Variants in ZSCAN10 observed in about 807,000 individuals in gnomAD.
ZSCAN10 encodes zinc finger and SCAN domain-containing protein 10.
Under a neutral mutation model 63.7 loss-of-function variants are expected in ZSCAN10, and 52 were observed. The observed-to-expected ratio is 0.82, with a 90% confidence interval of 0.65 to 1.03. The LOEUF is 1.03. Ranked by LOEUF, ZSCAN10 falls within the 50% of genes least tolerant of loss-of-function variation. ZSCAN10 has a pLI of 0.00. For synonymous variants in ZSCAN10, 544 were observed against 479.6 expected, an observed-to-expected ratio of 1.13 and a Z score of -1.76; for missense variants, 1,223 against 1,103.8, an observed-to-expected ratio of 1.11 and a Z score of -1.53.
In ZSCAN10 at chr16:3,089,483, G is replaced by T. The variant is rs781661100; in HGVS notation, c.1951C>A (p.Arg651Ser). Residue 651 changes from arginine to serine, a missense_variant, in exon 6 of 6, where the codon CGC becomes AGC. Transcript: ENST00000576985. ...EGFSQSAHLARHQRIHTGEKP... is the reference protein window; with the variant it reads ...EGFSQSAHLASHQRIHTGEKP... ...TCCCCTGTGTGGATGCGCTGGTGGC[G>T]CGCCAGGTGGGCGCTCTGGCTGAAG... The T allele has an allele frequency of 1.2e-6, 2 of 1,602,510 alleles. No homozygotes were observed. Among genetic ancestry groups the T allele is most frequent in the Non-Finnish European group, 8.5e-7 (1 of 1,176,566 alleles).
intron 5 of ZSCAN10, among the ~76,000 whole-genome samples, chr16:3,091,207 G>A (rs1001675247): frequency 6.6e-6 from 1 of 152,242 alleles, no homozygotes; most frequent in Non-Finnish European, 1.5e-5. Flanking sequence ...AGCTACTCGG[G>A]AGGCTGAGGT....
chr16:3,093,423 T>C (rs1456627863), intron 1 of ZSCAN10: 1 of 149,260 alleles, frequency 6.7e-6, no homozygotes, highest in Non-Finnish European at 1.5e-5. Flanking sequence ...GGCTGAGGCA[T>C]GAGAATGGTG....
At position 3,090,487 on chromosome 16, in the gene ZSCAN10, C is replaced by A; in HGVS notation, c.947G>T (p.Gly316Val). The A allele has an allele frequency of 6.2e-7, 1 of 1,613,392 alleles. No individual in the cohort carries two copies. Among genetic ancestry groups the A allele is most frequent in the South Asian group, 1.1e-5 (1 of 91,068 alleles). ...AAGAAGGGACCCATCTTCACCAGGG[C>A]CGCTAGCCGCAGCGCCCCGTCCGAG... ...QSLGRGAAAS[G>V]PGEDGSLLGS... Residue 316 changes from glycine (G) to valine (V), a missense_variant, in exon 6 of 6, where the codon GGC becomes GTC. Transcript: ENST00000576985.
At chr16:3,096,422 A>C (rs2151218714) in intron 1 of ZSCAN10, 1 of 152,532 alleles carries the variant, frequency 6.6e-6, no homozygotes, top group Non-Finnish European at 1.5e-5. Context: ...GATGTGAAGA[A>C]AGCCTGAAGC....
In ZSCAN10 at chr16:3,091,838, T is replaced by C. The variant is rs757135007; in HGVS notation, c.665-10A>G. On this transcript the variant is annotated splice_polypyrimidine_tract_variant and intron_variant, in intron 3 of 5. Transcript: ENST00000576985. ...GAGGGGCCCTGGGGACCTGACGGCA[T>C]TGGGGAAGAGGGGAGGAAGTGCTGT... 3 of 1,574,354 alleles carry C rather than the reference T, an allele frequency of 1.9e-6. No individual in the cohort carries two copies. Among genetic ancestry groups the C allele is most frequent in the South Asian group, 1.2e-5 (1 of 86,466 alleles).
Position 3,090,643 on chromosome 16 carries a change from A to G in ZSCAN10, c.791T>C (p.Phe264Ser). ...CTCCTTGTCTGGGGTTCTGCTTCCG[A>G]ATCCTGGGAAACAAGACAAAACAGG... ...NKAWPAHPLG[F>S]GSRTPDKEEF... Residue 264 changes from phenylalanine to serine, a missense_variant, in exon 6 of 6, where the codon TTC (phenylalanine) becomes TCC (serine). Physicochemically the swap from Phe to Ser is radical, Grantham distance 155. Coordinates refer to ENST00000576985, the MANE Select transcript of ZSCAN10 (RefSeq NM_032805.3). 1 of 1,531,262 alleles carries G rather than the reference A, an allele frequency of 6.5e-7. No homozygotes were observed. Among genetic ancestry groups the G allele is most frequent in the Admixed American group, 2.1e-5 (1 of 47,496 alleles). 94.9% of individuals were successfully genotyped at this position (1,531,262 alleles called of 1,614,324 possible).
chr16:3,090,617 C>A lies in ZSCAN10; in HGVS notation c.817G>T (p.Glu273Ter). The change falls in exon 6 of 6, where the codon GAA becomes TAA. Residue 273 changes from glutamate to a stop codon, truncating the protein, a stop_gained. Coordinates refer to ENST00000576985, the MANE Select transcript of ZSCAN10 (RefSeq NM_032805.3). LOFTEE classifies it high-confidence loss of function. Reference protein sequence around the residue: ...GFGSRTPDKEEFKQEEPKGAA... With the variant: ...GFGSRTPDKE Reference sequence around the variant, plus strand: ...CCTTTGGGCTCTTCTTGTTTAAATTCCTCCTTGTCTGGGGTTCTGCTTCCG... The same window carrying A: ...CCTTTGGGCTCTTCTTGTTTAAATTACTCCTTGTCTGGGGTTCTGCTTCCG... 6.4e-7 allele frequency: 1 copy of A among 1,552,198 alleles called. No homozygotes were observed. Among genetic ancestry groups the A allele is most frequent in the Admixed American group, 2.0e-5 (1 of 49,172 alleles).
In ZSCAN10 at chr16:3,090,012, G is replaced by A. The variant is rs767165859; in HGVS notation, c.1422C>T (p.Thr474=). The A allele has an allele frequency of 2.0e-5, 31 of 1,571,928 alleles. No homozygotes were observed. Among genetic ancestry groups the A allele is most frequent in the Admixed American group, 7.5e-5 (4 of 53,396 alleles). ...GGCCGCAGTGGGAGCACAGGACATC[G>A]GTCAGTGGCGGCGCTTCGGCCTTAC... is the stretch of plus-strand genomic sequence containing the variant. ...PESKAEAPPL[T]DVLCSHCGQS... The change falls in exon 6 of 6, where the codon ACC becomes ACT. Residue 474 remains threonine (T), a synonymous_variant. Transcript: ENST00000576985.
At chr16:3,092,024 G>T in intron 3 of ZSCAN10, 25 bp downstream of exon 3, 1 of 1,548,464 alleles carries the variant, frequency 6.5e-7, no homozygotes, top group East Asian at 2.3e-5. Context: ...CCAGTCCTTG[G>T]CCTCCTAGGG....
chr16:3,090,300 G>A lies in ZSCAN10; in HGVS notation c.1134C>T (p.Cys378=). The A allele has an allele frequency of 1.2e-6, 2 of 1,609,852 alleles. No individual in the cohort carries two copies. The highest frequency in any genetic ancestry group is 2.2e-5 in the East Asian group (1 of 44,840). ...GGCCGAAGCTCTTCCCGCAGCAAAG[G>A]CACAGGAAGGAGCGCCCAGCCGGGT... is the stretch of plus-strand genomic sequence containing the variant. ...RSHPAGRSFL[C]LCCGKSFGRS... is the part of the protein sequence containing the mutation. The change falls in exon 6 of 6, where the codon TGC becomes TGT. Residue 378 remains cysteine (C), a synonymous_variant. Coordinates refer to ENST00000576985, the MANE Select transcript of ZSCAN10 (RefSeq NM_032805.3).
chr16:3,089,927 C>G lies in ZSCAN10; in HGVS notation c.1507G>C (p.Asp503His). The G allele has an allele frequency of 6.5e-7, 1 of 1,537,796 alleles. No individual in the cohort carries two copies. The highest frequency in any genetic ancestry group is 1.2e-5 in the South Asian group (1 of 84,346). ...CCGGAGCCTTCGGAGGACCGGCGGT[C>G]CTTGTCCCTGGCGTGGATCCGCAGG... ...RHLRIHARDK[D>H]RRSSEGSGSR... The change falls in exon 6 of 6, where the codon GAC becomes CAC. Residue 503 changes from aspartate to histidine, a missense_variant. By Grantham distance (81) the Asp-to-His change is moderately conservative. Coordinates refer to ENST00000576985, the MANE Select transcript of ZSCAN10 (RefSeq NM_032805.3).
At position 3,089,566 on chromosome 16, in the gene ZSCAN10, C is replaced by T. The variant is rs1035753913; in HGVS notation, c.1868G>A (p.Arg623His). The change falls in exon 6 of 6, where the codon CGC becomes CAC. Residue 623 changes from arginine (R) to histidine (H), a missense_variant. By Grantham distance (29) the Arg-to-His change is conservative. Coordinates refer to ENST00000576985, the MANE Select transcript of ZSCAN10 (RefSeq NM_032805.3). ...KSFGQTQDLA[R>H]HQRSHTGEKP... Reference sequence around the variant, plus strand: ...CTCGCCCGTGTGGCTGCGCTGGTGGCGGGCCAGATCCTGGGTCTGGCCGAA... The same window carrying T: ...CTCGCCCGTGTGGCTGCGCTGGTGGTGGGCCAGATCCTGGGTCTGGCCGAA... 3.8e-6 allele frequency: 6 copies of T among 1,592,910 alleles called. No homozygotes were observed. The highest frequency in any genetic ancestry group is 2.3e-5 in the East Asian group (1 of 44,082).
intron 1 of ZSCAN10, among the ~76,000 whole-genome samples, chr16:3,094,518 T>C (rs1460419788): frequency 6.6e-6 from 1 of 152,158 alleles, no homozygotes; most frequent in African/African-American, 2.4e-5. Context: ...GCTAATTTTG[T>C]ATTTTTAGTA....
intron 1 of ZSCAN10, among the ~76,000 whole-genome samples, chr16:3,094,720 A>T (rs1341922203): frequency 1.3e-5 from 2 of 152,048 alleles, no homozygotes; most frequent in Non-Finnish European, 2.9e-5. Context: ...ACCATCTCTC[A>T]AAGAAATTGG....
At position 3,089,878 on chromosome 16, in the gene ZSCAN10, C is replaced by T. The variant is rs565330138; in HGVS notation, c.1556G>A (p.Arg519Gln). ...GCAGTCGCTGCACACGAAGGGCCTC[C>T]GGTCGGAGTCCCGGCGGCGGCTGCC... is the stretch of plus-strand genomic sequence containing the variant. ...GSGSRRRDSD[R>Q]RPFVCSDCGK... The change falls in exon 6 of 6, where the codon CGG becomes CAG. Residue 519 changes from arginine to glutamine, a missense_variant. Physicochemically the swap from Arg to Gln is conservative, Grantham distance 43 (BLOSUM62 1). Coordinates refer to ENST00000576985, the MANE Select transcript of ZSCAN10 (RefSeq NM_032805.3). The T allele has an allele frequency of 2.2e-4, 337 of 1,536,716 alleles. No individual in the cohort carries two copies. The highest frequency in any genetic ancestry group is 2.7e-4 in the Non-Finnish European group (308 of 1,146,362).
chr16:3,091,216 G>T (rs1193503313), intron 5 of ZSCAN10, among the ~76,000 whole-genome samples: 1 of 152,250 alleles, frequency 6.6e-6, no homozygotes, highest in Non-Finnish European at 1.5e-5. Flanking sequence ...GGAGGCTGAG[G>T]TGGGAGGATT....
At position 3,092,324 on chromosome 16, in the gene ZSCAN10, A is replaced by T. The variant is rs766370172; in HGVS notation, c.397-8T>A. On this transcript the variant is annotated splice_polypyrimidine_tract_variant and splice_region_variant and intron_variant, in intron 2 of 5. Transcript: ENST00000576985. ...AGCATTACAACTAAAATCCTGTTCAAAACACATTCAAGTTAAGTGACTCCC... is the reference window on the plus strand; with the variant it reads ...AGCATTACAACTAAAATCCTGTTCATAACACATTCAAGTTAAGTGACTCCC... The T allele has an allele frequency of 6.3e-6, 10 of 1,588,364 alleles. No homozygotes were observed. The highest frequency in any genetic ancestry group is 1.3e-5 in the African/African-American group (1 of 74,620).
chr16:3,093,888 G>C (rs564119585), intron 1 of ZSCAN10, among the ~76,000 whole-genome samples: 102 of 152,154 alleles, frequency 6.7e-4, no homozygotes, highest in African/African-American at 2.3e-3. Context: ...GTTTCACCAT[G>C]TTGGCTGGGC....
In ZSCAN10 at chr16:3,091,611, A is replaced by T. The variant is rs773890914; in HGVS notation, c.730-14T>A. On this transcript the variant is annotated splice_polypyrimidine_tract_variant and intron_variant, in intron 4 of 5. Coordinates refer to ENST00000576985, the MANE Select transcript of ZSCAN10 (RefSeq NM_032805.3). ...GGTCAGGCACTCCTGTATCAAGAGCAGAAACCCTTGGTGAGTGAGGAACAT... is the reference window on the plus strand; with the variant it reads ...GGTCAGGCACTCCTGTATCAAGAGCTGAAACCCTTGGTGAGTGAGGAACAT... The T allele has an allele frequency of 4.9e-5, 79 of 1,614,096 alleles. No individual in the cohort carries two copies. The highest frequency in any genetic ancestry group is 6.4e-5 in the Non-Finnish European group (75 of 1,180,028).
Sources: allele counts gnomAD v4.1 joint callset (sites outside exome capture counted in the v4.1 genomes callset), GRCh38; gene constraint gnomAD v4.1.1; transcripts MANE v1.5; gene names NCBI Gene and HGNC (gene_info 2026-07-23, HGNC 2026-07-21).